The following AGBL4 variants were observed in gnomAD, a reference collection of about 807,000 sequenced individuals.
AGBL4 encodes cytosolic carboxypeptidase 6.
A neutral mutation model predicts 66.4 loss-of-function variants in AGBL4; 58 were observed. The observed-to-expected ratio is 0.87, with a 90% CI of 0.71 to 1.09. The LOEUF is 1.09. Ranked by LOEUF, AGBL4 falls within the 50% of genes least tolerant of loss-of-function variation. AGBL4 has a pLI of 0.00. For missense variants in AGBL4, 579 were observed against 631.0 expected (o/e 0.92, Z 0.88); for synonymous variants, 234 against 222.9 (o/e 1.05, Z -0.44).
At chr1:48,991,903 T>A (rs114293770) in intron 5 of AGBL4, among the ~76,000 whole-genome samples, 2 of 152,316 alleles carry the variant, frequency 1.3e-5, no homozygotes, top group African/African-American at 4.8e-5. Context: ...TGTGTTATCT[T>A]GAATTTTGTC....
chr1:48,572,882 G>A (rs1196513240), intron 11 of AGBL4, among the ~76,000 whole-genome samples: 1 of 152,222 alleles, frequency 6.6e-6, no homozygotes, highest in Non-Finnish European at 1.5e-5. Flanking sequence ...GCCGCAGCTT[G>A]TGGTCCCCCA....
chr1:49,843,782 A>T (rs1363969059), intron 2 of AGBL4, among the ~76,000 whole-genome samples: 1 of 152,066 alleles, frequency 6.6e-6, no homozygotes, highest in African/African-American at 2.4e-5. Context: ...TTAAAAATTG[A>T]ACTTTTCACT....
intron 6 of AGBL4, among the ~76,000 whole-genome samples, chr1:48,730,725 T>C (rs923826892): frequency 6.6e-5 from 10 of 152,232 alleles, no homozygotes; most frequent in Non-Finnish European, 1.3e-4. Context: ...CACCTGCAGT[T>C]GCCGGGAATG....
chr1:48,831,589 A>G (rs576075896), intron 6 of AGBL4, among the ~76,000 whole-genome samples: 3 of 152,314 alleles, frequency 2.0e-5, no homozygotes, highest in East Asian at 1.9e-4. Flanking sequence ...TGAAGCAAGG[A>G]CAATGTATCC....
intron 2 of AGBL4, among the ~76,000 whole-genome samples, chr1:49,709,729 C>T (rs1291276035): frequency 1.3e-5 from 2 of 152,062 alleles, no homozygotes; most frequent in African/African-American, 4.8e-5. Context: ...CTACAAGGAA[C>T]TTAAACAAAT....
intron 4 of AGBL4, among the ~76,000 whole-genome samples, chr1:49,091,092 T>C (rs1644995517): frequency 6.6e-6 from 1 of 152,080 alleles, no homozygotes; most frequent in African/African-American, 2.4e-5. Flanking sequence ...AAACTCAAGA[T>C]GGATTAAAAA....
At chr1:49,159,159 G>A (rs919860609) in intron 4 of AGBL4, among the ~76,000 whole-genome samples, 6 of 151,884 alleles carry the variant, frequency 4.0e-5, no homozygotes, top group East Asian at 1.9e-4. Context: ...TCATAGCACC[G>A]ATGGTCTTTA....
chr1:49,021,066 G>T (rs935091532), intron 5 of AGBL4, among the ~76,000 whole-genome samples: 2 of 152,196 alleles, frequency 1.3e-5, no homozygotes, highest in Non-Finnish European at 2.9e-5. Flanking sequence ...CCCTACCAGT[G>T]AATATTTCCA....
intron 1 of AGBL4, among the ~76,000 whole-genome samples, chr1:50,014,382 T>A (rs1258811662): frequency 1.3e-5 from 2 of 150,972 alleles, no homozygotes; most frequent in African/African-American, 4.9e-5. Flanking sequence ...AAAAAAAAGA[T>A]AAAGAAAAAG....
intron 8 of AGBL4, among the ~76,000 whole-genome samples, chr1:48,635,606 C>T (rs940271357): frequency 6.6e-6 from 1 of 152,216 alleles, no homozygotes; most frequent in African/African-American, 2.4e-5. Flanking sequence ...GGGCAAGTCC[C>T]TTGCTCTCTC....
chr1:49,928,803 C>T (rs1653044237), intron 1 of AGBL4, among the ~76,000 whole-genome samples: 1 of 151,780 alleles, frequency 6.6e-6, no homozygotes, highest in Non-Finnish European at 1.5e-5. Context: ...ACCCTGTATC[C>T]CATTACCGGT....
intron 2 of AGBL4, among the ~76,000 whole-genome samples, chr1:49,830,311 C>T (rs1343187670): frequency 6.6e-6 from 1 of 151,572 alleles, no homozygotes; most frequent in East Asian, 1.9e-4. Flanking sequence ...ACCATTCTAA[C>T]TGCCATGATG....
chr1:49,931,200 T>C (rs915428415), intron 1 of AGBL4, among the ~76,000 whole-genome samples: 1 of 152,096 alleles, frequency 6.6e-6, no homozygotes, highest in Non-Finnish European at 1.5e-5. Flanking sequence ...AACAAAGACA[T>C]ACACTATCTC....
At chr1:49,105,752 T>G (rs1571460252) in intron 4 of AGBL4, among the ~76,000 whole-genome samples, 1 of 152,112 alleles carries the variant, frequency 6.6e-6, no homozygotes, top group East Asian at 1.9e-4. Context: ...CTCATAAGAG[T>G]ACCTAATTCA....
intron 2 of AGBL4, among the ~76,000 whole-genome samples, chr1:49,787,502 CAAA>C (rs201411173): frequency 9.4e-5 from 7 of 74,450 alleles, no homozygotes; most frequent in African/African-American, 1.4e-4. Flanking sequence ...GACTCTGTCT[CAAA>C]AAAAAAAAAA....
At chr1:50,000,036 A>C (rs1282771107) in intron 1 of AGBL4, among the ~76,000 whole-genome samples, 1 of 152,216 alleles carries the variant, frequency 6.6e-6, no homozygotes, top group African/African-American at 2.4e-5. Context: ...CCAAGGATCC[A>C]AAAGCAAATG....
intron 1 of AGBL4, among the ~76,000 whole-genome samples, chr1:49,925,317 A>C (rs1251514446): frequency 6.6e-6 from 1 of 152,014 alleles, no homozygotes. Context: ...CTTAAAGGAA[A>C]GGACCTGGTC....
chr1:50,023,767 C>T lies in AGBL4; in HGVS notation c.30G>A (p.Glu10=). The T allele has an allele frequency of 6.5e-7, 1 of 1,549,618 alleles. No individual in the cohort carries two copies. The highest frequency in any genetic ancestry group is 8.7e-7 in the Non-Finnish European group (1 of 1,146,140). The stretch of plus-strand genomic sequence containing the variant: ...AGATCGGCCGCCCCCACAGACCTGC[C>T]TCAGGCGCCGACTGGCTCCCCTCCG... MAEGSQSAP[E]AGNDMGNDDA... is the part of the protein sequence containing the mutation. The change falls in exon 1 of 14, where the codon GAG becomes GAA. Residue 10 remains glutamate (E), a synonymous_variant. Coordinates refer to ENST00000371839, the MANE Select transcript of AGBL4 (RefSeq NM_032785.4).
At chr1:49,709,795 T>A (rs1014405550) in intron 2 of AGBL4, among the ~76,000 whole-genome samples, 1 of 152,072 alleles carries the variant, frequency 6.6e-6, no homozygotes, top group Non-Finnish European at 1.5e-5. Context: ...TATGAACAGA[T>A]ACTTCTCAAA....
Sources: gnomAD v4.1 joint callset for allele counts (sites outside exome capture counted in the v4.1 genomes callset) on GRCh38, gnomAD v4.1.1 for gene constraint, MANE v1.5 for transcripts, NCBI Gene and HGNC (gene_info 2026-07-23, HGNC 2026-07-21) for gene names.